ASIC2: variants seen among roughly 807,000 people sequenced by gnomAD.
ASIC2 encodes the protein acid sensing ion channel subunit 2.
Under a neutral mutation model 57.3 loss-of-function variants are expected in ASIC2, and 25 were observed. That is an observed-to-expected ratio of 0.44 (90% CI 0.32 to 0.61). ASIC2 has a LOEUF of 0.61. ASIC2 is among the 20% of genes least tolerant of loss of function. The probability of loss-of-function intolerance (pLI) is 0.06; values close to 1 mark genes in which losing one functional copy is unlikely to be tolerated. For synonymous variants in ASIC2, 319 were observed against 307.5 expected (o/e 1.04, Z -0.39); for missense variants, 641 against 738.1 (o/e 0.87, Z 1.52).
rs546608003 is a variant in ASIC2 at position 33,929,814 on chromosome 17, G to A, written c.555+226164C>T. The stretch of plus-strand genomic sequence containing the variant: ...CTTCAGGGGGTGCCATCTAGTGCCT[G>A]TATTATTACAAAGCTTGGGAAGTAG... On this transcript the variant is annotated intron_variant, in intron 1 of 9. Coordinates refer to the ASIC2 transcript ENST00000359872. Among the ~76,000 whole-genome samples the A allele has an allele frequency of 2.6e-5, 4 of 152,320 alleles. No individual in the cohort carries two copies. In the South Asian group the frequency reaches 6.2e-4, roughly 24 times the overall value.
intron 1 of ASIC2, among the ~76,000 whole-genome samples, chr17:33,411,765 T>C (rs1002127405): frequency 7.2e-5 from 11 of 152,230 alleles, no homozygotes; most frequent in African/African-American, 2.7e-4. Flanking sequence ...AACAAGTGAC[T>C]GAGCGAGGTA....
intron 1 of ASIC2, among the ~76,000 whole-genome samples, chr17:33,216,740 T>C (rs1907502909): frequency 6.6e-6 from 1 of 152,172 alleles, no homozygotes; most frequent in Non-Finnish European, 1.5e-5. Context: ...TGAAAGGTGA[T>C]GGGGAGCCCC....
At chr17:33,636,313 T>G (rs1046073232) in intron 1 of ASIC2, among the ~76,000 whole-genome samples, 2 of 152,206 alleles carry the variant, frequency 1.3e-5, no homozygotes, top group Non-Finnish European at 2.9e-5. Flanking sequence ...ACCATTAAAA[T>G]ACAACAAGAT....
intron 1 of ASIC2, among the ~76,000 whole-genome samples, chr17:33,692,956 T>C (rs543967838): frequency 6.6e-6 from 1 of 152,368 alleles, no homozygotes; most frequent in East Asian, 1.9e-4. Context: ...TTTAAATCTT[T>C]ATGTATTTGT....
At chr17:33,687,679 C>T (rs1418034167) in intron 1 of ASIC2, among the ~76,000 whole-genome samples, 1 of 152,204 alleles carries the variant, frequency 6.6e-6, no homozygotes, top group Admixed American at 6.5e-5. Flanking sequence ...TGGGCCATCT[C>T]CTCTGCAGCC....
intron 1 of ASIC2, among the ~76,000 whole-genome samples, chr17:33,926,254 G>C (rs1915819692): frequency 6.6e-6 from 1 of 152,268 alleles, no homozygotes; most frequent in Non-Finnish European, 1.5e-5. Context: ...ATATGGAGTA[G>C]TTCACTTAAT....
At chr17:33,256,650 G>T (rs1353507930) in intron 1 of ASIC2, among the ~76,000 whole-genome samples, 6 of 152,274 alleles carry the variant, frequency 3.9e-5, no homozygotes. Context: ...TGGCCAACAT[G>T]GCAAAACCCC....
chr17:33,952,925 A>G (rs1904623631), intron 1 of ASIC2, among the ~76,000 whole-genome samples: 1 of 152,212 alleles, frequency 6.6e-6, no homozygotes, highest in African/African-American at 2.4e-5. Flanking sequence ...TAATTATAAA[A>G]GGTTGGAAGA....
At position 34,122,228 on chromosome 17, in the gene ASIC2, C is replaced by A. The variant is rs567441101; in HGVS notation, c.555+33750G>T. ...CACCCTGTCAGTCAAGCATCATTAT[C>A]TTCCTGGTATTCCCAAGGAGGCTGA... On this transcript the variant is annotated intron_variant, in intron 1 of 9. Transcript: ENST00000359872. Among the ~76,000 whole-genome samples the A allele has an allele frequency of 5.9e-5, 9 of 152,308 alleles. No individual in the cohort carries two copies. In the East Asian group the frequency reaches 1.5e-3, roughly 26 times the overall value.
At chr17:33,415,670 G>A (rs1050730517) in intron 1 of ASIC2, among the ~76,000 whole-genome samples, 18 of 151,956 alleles carry the variant, frequency 1.2e-4, no homozygotes, top group Admixed American at 2.6e-4. Context: ...CACAAGATGG[G>A]GATCAAGAAG....
intron 1 of ASIC2, among the ~76,000 whole-genome samples, chr17:34,120,722 CTTTTTTTTTTTTTTTTCTTT>C: frequency 1.1e-5 from 1 of 94,626 alleles, no homozygotes; most frequent in Non-Finnish European, 2.0e-5. Flanking sequence ...TGGGGTCCTT[CTTTTTTTTTTTTTTTTCTTT>C]TTTTTTTTTT....
At chr17:33,516,740 A>T (rs1176632207) in intron 1 of ASIC2, among the ~76,000 whole-genome samples, 1 of 152,118 alleles carries the variant, frequency 6.6e-6, no homozygotes, top group African/African-American at 2.4e-5. Context: ...CTGGCTTAGT[A>T]CTCAGTGCCT....
At chr17:33,805,648 A>C (rs73986729) in intron 1 of ASIC2, among the ~76,000 whole-genome samples, 13,692 of 152,234 alleles carry the variant, frequency 0.09, 696 homozygotes, top group East Asian at 0.19. Flanking sequence ...TGAATCATGG[A>C]ATATTAAATA....
chr17:33,394,690 T>C (rs1223036973), intron 1 of ASIC2, among the ~76,000 whole-genome samples: 1 of 152,134 alleles, frequency 6.6e-6, no homozygotes, highest in Non-Finnish European at 1.5e-5. Context: ...AGTGCCTCCT[T>C]AAGTTTTGTA....
At chr17:34,100,181 C>CT (rs1910809442) in intron 1 of ASIC2, among the ~76,000 whole-genome samples, 3 of 106,106 alleles carry the variant, frequency 2.8e-5, no homozygotes, top group African/African-American at 3.1e-5. Flanking sequence ...TCCTCTCTTT[C>CT]TTGTTTTTTT....
intron 1 of ASIC2, among the ~76,000 whole-genome samples, chr17:33,300,870 G>A (rs1028480953): frequency 3.9e-5 from 6 of 152,210 alleles, no homozygotes; most frequent in Non-Finnish European, 7.3e-5. Context: ...GGTAAGTTTA[G>A]TGACTTGTCC....
At chr17:33,398,594 G>T (rs1220616001) in intron 1 of ASIC2, among the ~76,000 whole-genome samples, 2 of 152,086 alleles carry the variant, frequency 1.3e-5, no homozygotes, top group Non-Finnish European at 2.9e-5. Context: ...TGGTGATGAT[G>T]ATGATGATGA....
chr17:33,886,139 C>T (rs576196580), intron 1 of ASIC2, among the ~76,000 whole-genome samples: 18 of 152,328 alleles, frequency 1.2e-4, no homozygotes, highest in Admixed American at 8.5e-4. Flanking sequence ...CTCACTTATT[C>T]TATCTTTACC....
intron 1 of ASIC2, among the ~76,000 whole-genome samples, chr17:34,149,572 C>CAGCT (rs1441140614): frequency 6.6e-6 from 1 of 152,166 alleles, no homozygotes; most frequent in Admixed American, 6.5e-5. Context: ...AGCAGTTTGA[C>CAGCT]AGCTATGTGC....
Sources: allele counts gnomAD v4.1 joint callset (sites outside exome capture counted in the v4.1 genomes callset), GRCh38; gene constraint gnomAD v4.1.1; transcripts MANE v1.5; gene names NCBI Gene and HGNC (gene_info 2026-07-23, HGNC 2026-07-21).